Variants in KIF26A observed in about 807,000 individuals in gnomAD.
The protein encoded by KIF26A is kinesin-like protein KIF26A.
A neutral mutation model predicts 126.0 loss-of-function variants in KIF26A; 74 were observed. The ratio of observed to expected loss-of-function variants is 0.59; its 90% CI spans 0.49 to 0.71. KIF26A has a LOEUF of 0.71. Ranked by LOEUF, KIF26A falls within the 30% of genes least tolerant of loss-of-function variation. The probability of loss-of-function intolerance (pLI) is 0.00; values close to 1 mark genes in which losing one functional copy is unlikely to be tolerated. For synonymous variants in KIF26A, 1,445 were observed against 1,232.7 expected, an observed-to-expected ratio of 1.17 and a Z score of -3.61; for missense variants, 2,984 against 2,763.3, an observed-to-expected ratio of 1.08 and a Z score of -1.79.
chr14:104,154,046 A>C (rs1184836850), intron 3 of KIF26A, among the ~76,000 whole-genome samples: 1 of 152,164 alleles, frequency 6.6e-6, no homozygotes, highest in Non-Finnish European at 1.5e-5. Context: ...CCATAAATAG[A>C]ACTTTAGGAT....
chr14:104,154,297 G>A (rs1004287404), intron 3 of KIF26A, among the ~76,000 whole-genome samples: 4 of 152,200 alleles, frequency 2.6e-5, no homozygotes, highest in African/African-American at 9.7e-5. Flanking sequence ...GGAGAGGAGG[G>A]GCAGGGACCA....
chr14:104,171,055 C>T (rs947446501), intron 5 of KIF26A, among the ~76,000 whole-genome samples: 5 of 152,336 alleles, frequency 3.3e-5, no homozygotes, highest in South Asian at 4.1e-4. Flanking sequence ...GCAGTGGGGC[C>T]GGTGAGGCCG....
chr14:104,159,533 G>A (rs566112233), intron 4 of KIF26A, among the ~76,000 whole-genome samples: 42 of 152,346 alleles, frequency 2.8e-4, no homozygotes, highest in African/African-American at 9.1e-4. Flanking sequence ...CCAGCAGAGC[G>A]GCCCTGGCTG....
At chr14:104,157,064 C>G (rs2037785810) in intron 3 of KIF26A, among the ~76,000 whole-genome samples, 1 of 152,142 alleles carries the variant, frequency 6.6e-6, no homozygotes, top group South Asian at 2.1e-4. Context: ...TCCCCCCACG[C>G]CGCCCAGGAC....
chr14:104,166,183 G>GTCCAGGA (rs112128843), intron 4 of KIF26A, among the ~76,000 whole-genome samples: 4 of 145,982 alleles, frequency 2.7e-5, no homozygotes, highest in African/African-American at 1.0e-4. Context: ...GGGTGGCAGG[G>GTCCAGGA]GCCCAGGAGC....
chr14:104,165,159 G>A (rs2037874525), intron 4 of KIF26A, among the ~76,000 whole-genome samples: 1 of 151,408 alleles, frequency 6.6e-6, no homozygotes, highest in African/African-American at 2.4e-5. Flanking sequence ...ATGCATGTGT[G>A]TATCTCTATG....
At chr14:104,174,072 C>T in intron 10 of KIF26A, 76 bp from the exon 11 acceptor site, 8 of 1,447,836 alleles carry the variant, frequency 5.5e-6, no homozygotes, top group Non-Finnish European at 7.3e-6. Flanking sequence ...AGACTGATCC[C>T]AGGGCTGCCC....
At chr14:104,166,178 G>GCAGGAGCTA (rs11281316) in intron 4 of KIF26A, among the ~76,000 whole-genome samples, 1 of 138,466 alleles carries the variant, frequency 7.2e-6, no homozygotes, top group Admixed American at 7.0e-5. Flanking sequence ...GACGAGGGTG[G>GCAGGAGCTA]CAGGGGCCCA....
Position 104,156,037 on chromosome 14 carries a change from C to T in KIF26A, c.736-1718C>T, listed in dbSNP as rs534874273. Among the ~76,000 whole-genome samples the T allele has an allele frequency of 2.1e-4, 32 of 152,318 alleles. No homozygotes were observed. The South Asian group carries it at 5.2e-3, about 25-fold the overall frequency. On this transcript the variant is annotated intron_variant, in intron 3 of 14. Coordinates refer to ENST00000423312, the MANE Select transcript of KIF26A (RefSeq NM_015656.2). Reference sequence around the variant, plus strand: ...TGGCCCCACGGTGGTGCCATCGCGACGAGCCACCTGTGGGTGCCACGCTGG... The same window carrying T: ...TGGCCCCACGGTGGTGCCATCGCGATGAGCCACCTGTGGGTGCCACGCTGG...
Position 104,176,251 on chromosome 14 carries a change from G to A in KIF26A, c.3463G>A (p.Asp1155Asn). The A allele has an allele frequency of 3.1e-6, 5 of 1,598,098 alleles. No individual in the cohort carries two copies. The Middle Eastern group carries it at 5.0e-4, about 160-fold the overall frequency. Reference sequence around the variant, plus strand: ...CCCTGCCCTGGATGGTTCCCTGGGGGATGGAAGCTCTGGGTTCCTGGGGCC... The same window carrying A: ...CCCTGCCCTGGATGGTTCCCTGGGGAATGGAAGCTCTGGGTTCCTGGGGCC... The part of the protein sequence containing the change: ...GPPALDGSLG[D>N]GSSGFLGPDR... The change falls in exon 12 of 15, where the codon GAT (aspartate) becomes AAT (asparagine). Residue 1155 changes from aspartate to asparagine, a missense_variant. Transcript: ENST00000423312.
At position 104,148,238 on chromosome 14, in the gene KIF26A, A is replaced by G. The variant is rs1234995751; in HGVS notation, c.289-3777A>G. Among the ~76,000 whole-genome samples, 2 of 152,226 alleles carry G rather than the reference A, an allele frequency of 1.3e-5. No individual in the cohort carries two copies. The highest frequency in any genetic ancestry group is 2.9e-5 in the Non-Finnish European group (2 of 68,038). ...ATAAAGAACAAAGTCATGATTTGTAAGTAGGGGGGAGACTCCCTAAAACCC... is the reference window on the plus strand; with the variant it reads ...ATAAAGAACAAAGTCATGATTTGTAGGTAGGGGGGAGACTCCCTAAAACCC... On this transcript the variant is annotated intron_variant, in intron 2 of 14. Transcript: ENST00000423312. This position sits in a 1 kb window ranked among gnomAD's most constrained non-coding sequence, Gnocchi z 4.3.
At chr14:104,165,827 ATG>A (rs1029638327) in intron 4 of KIF26A, among the ~76,000 whole-genome samples, 4 of 150,078 alleles carry the variant, frequency 2.7e-5, no homozygotes, top group Non-Finnish European at 4.5e-5. Flanking sequence ...TTCTGTGTGC[ATG>A]TGTGTGTTTC....
intron 5 of KIF26A, among the ~76,000 whole-genome samples, chr14:104,170,719 G>T (rs2037948938): frequency 6.6e-6 from 1 of 152,184 alleles, no homozygotes; most frequent in Admixed American, 6.5e-5. Context: ...GCCGCCTCCT[G>T]GCATCGACGC....
intron 4 of KIF26A, 130 bp downstream of exon 4, chr14:104,158,072 A>G (rs1596138814): frequency 1.1e-6 from 1 of 890,480 alleles, no homozygotes; most frequent in Non-Finnish European, 1.6e-6. Flanking sequence ...GTGGATGGGG[A>G]GCTGCTCCGA....
At chr14:104,166,729 T>G in intron 4 of KIF26A, 130 bp from the exon 5 acceptor site, 9 of 880,286 alleles carry the variant, frequency 1.0e-5, no homozygotes, top group Non-Finnish European at 1.5e-5. Context: ...CCCAGCCACA[T>G]TTTGGACTGG....
In KIF26A at chr14:104,176,230, G is replaced by T. The variant is rs902274504; in HGVS notation, c.3442G>T (p.Ala1148Ser). 6 of 1,601,332 alleles carry T rather than the reference G, an allele frequency of 3.7e-6. No individual in the cohort carries two copies. The African/African-American group carries it at 4.0e-5, about 11-fold the overall frequency. Residue 1148 changes from alanine (A) to serine (S), a missense_variant, in exon 12 of 15, where the codon GCC becomes TCC. By Grantham distance (99) the Ala-to-Ser change is moderately conservative (BLOSUM62 1). Coordinates refer to ENST00000423312, the MANE Select transcript of KIF26A (RefSeq NM_015656.2). ...LAGLDPGGPP[A>S]LDGSLGDGSS... is the part of the protein sequence containing the mutation. ...AGGGCTTGACCCTGGGGGCCCCCCTGCCCTGGATGGTTCCCTGGGGGATGG... is the reference window on the plus strand; with the variant it reads ...AGGGCTTGACCCTGGGGGCCCCCCTTCCCTGGATGGTTCCCTGGGGGATGG...
chr14:104,180,087 A>G lies in KIF26A; in HGVS notation c.*297A>G. 1 of 345,738 alleles carries G rather than the reference A, an allele frequency of 2.9e-6. No individual in the cohort carries two copies. Among genetic ancestry groups the G allele is most frequent in the Non-Finnish European group, 5.2e-6 (1 of 191,356 alleles). The allele number at this position is 345,738 out of a possible 1,614,324, so 21.4% of individuals were successfully genotyped here. A position where few individuals can be genotyped will look rare whatever the true frequency, so the allele number is the denominator to read the frequency against. ...GGTGCTACAGACTTGAGACACCAGC[A>G]GAAGTTGTGTTCAGCCCGGCCCCGC... On this transcript the variant is annotated 3_prime_UTR_variant, in exon 15 of 15. Transcript: ENST00000423312.
In KIF26A at chr14:104,158,824, C is replaced by T. The variant is rs150291640; in HGVS notation, c.923+882C>T. Among the ~76,000 whole-genome samples the T allele has an allele frequency of 3.1e-3, 465 of 152,308 alleles. 2 individuals carry two copies. Among genetic ancestry groups the T allele is most frequent in the African/African-American group, 0.011 (441 of 41,566 alleles). On this transcript the variant is annotated intron_variant, in intron 4 of 14. Transcript: ENST00000423312. ...CGGCAGGGCCTTTGGTCCTGGGACC[C>T]GTGGCAGAGCCTCCTCTCATCCTGA...
rs199856469 is a variant in KIF26A, at chr14:104,173,690, T to C, written c.1868-16T>C. On this transcript the variant is annotated splice_polypyrimidine_tract_variant and intron_variant, in intron 9 of 14. Transcript: ENST00000423312. ...GCCCCTGGCTACACCATCATTTGCT[T>C]GCCTTGTGGTTCCAGTGTCCGGAGG... 7.6e-4 allele frequency: 1,219 copies of C among 1,609,872 alleles called. 2 individuals are homozygous for C. Among genetic ancestry groups the C allele is most frequent in the Admixed American group, 1.3e-3 (76 of 59,822 alleles).
Sources: gnomAD v4.1 joint callset for allele counts (sites outside exome capture counted in the v4.1 genomes callset) on GRCh38, gnomAD v4.1.1 for gene constraint, Gnocchi (gnomAD v3.1) non-coding constraint, MANE v1.5 for transcripts, NCBI Gene and HGNC (gene_info 2026-07-23, HGNC 2026-07-21) for gene names.